The following S100A13 variants were observed in gnomAD, a reference collection of about 807,000 sequenced individuals.
S100A13 encodes the protein protein S100-A13.
S100A13 carries 6 observed loss-of-function variants against 8.2 expected under a neutral mutation model. The ratio of observed to expected loss-of-function variants is 0.73; its 90% CI spans 0.40 to 1.44. The LOEUF (loss-of-function observed/expected upper bound fraction) is 1.44, where lower values mean the gene tolerates loss of function less well. Among genes scored for constraint, S100A13 ranks in the 40% most tolerant of loss-of-function variants. The probability of loss-of-function intolerance (pLI) is 0.02; values close to 1 mark genes in which losing one functional copy is unlikely to be tolerated. For synonymous variants in S100A13, 39 were observed against 45.9 expected (o/e 0.85, Z 0.61); for missense variants, 114 against 113.6 (o/e 1.00, Z -0.02).
upstream of S100A13, chr1:153,628,795 C>T (rs922082837): frequency 1.9e-5 from 8 of 423,452 alleles, no homozygotes; most frequent in Non-Finnish European, 2.5e-5. Flanking sequence ...GCCCTCAAGT[C>T]CCTGCCAAGG....
upstream of S100A13, among the ~76,000 whole-genome samples, chr1:153,633,342 C>G (rs1171543153): frequency 2.6e-5 from 4 of 151,976 alleles, no homozygotes; most frequent in African/African-American, 4.8e-5. Context: ...AGAGCCAGAC[C>G]CCGTCTCAAA....
intron 2 of S100A13, among the ~76,000 whole-genome samples, chr1:153,619,615 A>C (rs925483790): frequency 6.6e-6 from 1 of 152,198 alleles, no homozygotes; most frequent in Non-Finnish European, 1.5e-5. Flanking sequence ...TTGACAGGGT[A>C]TCTCTCATAG....
upstream of S100A13, among the ~76,000 whole-genome samples, chr1:153,633,690 G>A (rs982674746): frequency 6.6e-6 from 1 of 152,208 alleles, no homozygotes; most frequent in African/African-American, 2.4e-5. Flanking sequence ...AAATTCCCCA[G>A]GCCCAATTGT....
chr1:153,630,675 T>TGGTGGAGTGGG, upstream of S100A13: 1 of 1,613,484 alleles, frequency 6.2e-7, no homozygotes, highest in Admixed American at 1.7e-5. Flanking sequence ...GAGCATAGAG[T>TGGTGGAGTGGG]GGTGGAGTGG....
At chr1:153,631,963 A>G (rs990620651), upstream of S100A13, 3 of 987,746 alleles carry the variant, frequency 3.0e-6, no homozygotes, top group Admixed American at 4.1e-5. Context: ...CCCCACCCCC[A>G]CCCCCACCAA....
At chr1:153,631,359 T>G, upstream of S100A13, 1 of 1,173,924 alleles carries the variant, frequency 8.5e-7, no homozygotes, top group Non-Finnish European at 1.2e-6. Flanking sequence ...TACCAATTTG[T>G]TTCTTCTCTA....
At chr1:153,626,615 G>A (rs1667653324) in intron 1 of S100A13, 82 bp from the exon 2 acceptor site, 3 of 760,370 alleles carry the variant, frequency 3.9e-6, no homozygotes, top group East Asian at 2.6e-5. Flanking sequence ...CTGCCTTGGT[G>A]TTATCACATC....
At chr1:153,621,063 A>G (rs1667214977) in intron 2 of S100A13, among the ~76,000 whole-genome samples, 2 of 152,092 alleles carry the variant, frequency 1.3e-5, no homozygotes, top group African/African-American at 2.4e-5. Context: ...TGGAATAAAC[A>G]TATATTTTTC....
At chr1:153,626,238 C>T (rs1667610607) in intron 2 of S100A13, 82 bp downstream of exon 2, 1 of 1,301,040 alleles carries the variant, frequency 7.7e-7, no homozygotes, top group Non-Finnish European at 1.1e-6. Flanking sequence ...GGTCACCTCA[C>T]CGTACTCGGC....
upstream of S100A13, among the ~76,000 whole-genome samples, chr1:153,632,636 C>A (rs565257988): frequency 6.6e-6 from 1 of 152,170 alleles, no homozygotes; most frequent in Non-Finnish European, 1.5e-5. Flanking sequence ...ACTGTAGGAA[C>A]TGAGGCTCCA....
upstream of S100A13, among the ~76,000 whole-genome samples, chr1:153,632,413 A>C (rs567442099): frequency 4.5e-4 from 68 of 151,704 alleles, 1 homozygote; most frequent in South Asian, 0.012. Flanking sequence ...CTGGGACTAC[A>C]GGCGCCTGCC....
intron 2 of S100A13, 37 bp from the exon 3 acceptor site, chr1:153,619,075 C>G (rs769076730): frequency 1.7e-5 from 27 of 1,595,078 alleles, no homozygotes; most frequent in Admixed American, 3.4e-5. Context: ...GAGTTAGAAA[C>G]TGGGGTTCTT....
chr1:153,627,878 G>C (rs774959513), upstream of S100A13: 34 of 722,908 alleles, frequency 4.7e-5, no homozygotes, highest in East Asian at 8.3e-5. Flanking sequence ...GACACACACA[G>C]AGGCCCCTTG....
intron 2 of S100A13, among the ~76,000 whole-genome samples, chr1:153,619,974 G>A (rs1457683585): frequency 6.6e-6 from 1 of 152,176 alleles, no homozygotes; most frequent in Non-Finnish European, 1.5e-5. Flanking sequence ...TCAGTAAAGA[G>A]AAATAAATAA....
upstream of S100A13, chr1:153,627,730 A>T (rs1021611657): frequency 4.2e-6 from 1 of 236,874 alleles, no homozygotes; most frequent in East Asian, 1.0e-4. Flanking sequence ...CTCGTTCGGC[A>T]GGGGTCCCAG....
At chr1:153,619,060 G>A (rs1226233908) in intron 2 of S100A13, 22 bp from the exon 3 acceptor site, 8 of 1,607,418 alleles carry the variant, frequency 5.0e-6, no homozygotes, top group African/African-American at 1.3e-5. Flanking sequence ...CCAAAGGGAA[G>A]GGTAGAGTTA....
At chr1:153,625,966 G>A (rs1264652601) in intron 2 of S100A13, among the ~76,000 whole-genome samples, 3 of 152,188 alleles carry the variant, frequency 2.0e-5, no homozygotes, top group Non-Finnish European at 2.9e-5. Flanking sequence ...TCAGGAGTTC[G>A]AGACCAGCCT....
upstream of S100A13, chr1:153,631,827 T>C (rs756352252): frequency 1.9e-6 from 3 of 1,613,932 alleles, no homozygotes; most frequent in Non-Finnish European, 2.5e-6. Context: ...CAATTTCTTC[T>C]GGGAGAACAG....
chr1:153,628,720 G>A, upstream of S100A13: 1 of 769,350 alleles, frequency 1.3e-6, no homozygotes. Flanking sequence ...TGGCAGCTCA[G>A]CAAAGGAGGA....
Sources: gnomAD v4.1 joint callset for allele counts (sites outside exome capture counted in the v4.1 genomes callset) on GRCh38, gnomAD v4.1.1 for gene constraint, MANE v1.5 for transcripts, NCBI Gene and HGNC (gene_info 2026-07-23, HGNC 2026-07-21) for gene names.